YAE1: variants seen among roughly 807,000 people sequenced by gnomAD.
YAE1 encodes YAE1 maturation factor of ABCE1, also known as protein YAE1 homolog.
In YAE1, 22 loss-of-function variants were observed where a neutral mutation model predicts 23.0. The observed-to-expected ratio is 0.96, with a 90% CI of 0.68 to 1.37. The LOEUF (loss-of-function observed/expected upper bound fraction) is 1.37, where lower values mean the gene tolerates loss of function less well. Ranked by LOEUF, YAE1 falls within the 40% of genes most tolerant of loss-of-function variation. The pLI is 0.00. For missense variants in YAE1, 260 were observed against 262.1 expected (o/e 0.99, Z 0.06); for synonymous variants, 101 against 97.0 (o/e 1.04, Z -0.24).
chr7:39,611,340 T>G (rs1216372297), downstream of YAE1, among the ~76,000 whole-genome samples: 1 of 152,172 alleles, frequency 6.6e-6, no homozygotes, highest in Non-Finnish European at 1.5e-5. Flanking sequence ...CAAATGGAGT[T>G]GGTGCTTACC....
intron 2 of YAE1, among the ~76,000 whole-genome samples, chr7:39,593,865 A>C (rs947845840): frequency 6.6e-6 from 1 of 152,174 alleles, no homozygotes; most frequent in Non-Finnish European, 1.5e-5. Flanking sequence ...TAACTGCCTT[A>C]AAATCTTTGC....
At chr7:39,596,194 A>AT (rs58067712) in intron 2 of YAE1, among the ~76,000 whole-genome samples, 3,953 of 151,270 alleles carry the variant, frequency 0.026, 98 homozygotes, top group East Asian at 0.11. Context: ...TAAGTCACTT[A>AT]TTTTTTTTTC....
chr7:39,604,440 C>T (rs1207345289), intron 2 of YAE1, among the ~76,000 whole-genome samples: 3 of 152,146 alleles, frequency 2.0e-5, no homozygotes, highest in South Asian at 2.1e-4. Flanking sequence ...GGGGATAAGT[C>T]GATACCTAAC....
intron 2 of YAE1, among the ~76,000 whole-genome samples, chr7:39,598,659 C>T (rs1364979214): frequency 6.6e-6 from 1 of 151,508 alleles, no homozygotes; most frequent in African/African-American, 2.4e-5. Context: ...TGCCTGTAGT[C>T]CCAGCTACTT....
exon 3 of YAE1, chr7:39,609,933 G>A: frequency 6.6e-7 from 1 of 1,524,786 alleles, no homozygotes; most frequent in Admixed American, 2.1e-5. Context: ...TTCCAACTCC[G>A]AAACACATTT....
At chr7:39,598,613 C>T (rs938863325) in intron 2 of YAE1, among the ~76,000 whole-genome samples, 1 of 151,544 alleles carries the variant, frequency 6.6e-6, no homozygotes, top group Non-Finnish European at 1.5e-5. Context: ...TCTATCTCTA[C>T]CAAAAATACA....
At chr7:39,574,665 G>A (rs1455674398), downstream of YAE1, among the ~76,000 whole-genome samples, 2 of 151,176 alleles carry the variant, frequency 1.3e-5, no homozygotes, top group South Asian at 2.1e-4. Context: ...CCTAGGAAGC[G>A]GAGGTTGCAG....
intron 2 of YAE1, among the ~76,000 whole-genome samples, chr7:39,580,579 A>C (rs1488590548): frequency 1.3e-5 from 2 of 152,100 alleles, no homozygotes; most frequent in Admixed American, 6.6e-5. Context: ...GAAGCTGTTG[A>C]GTTAGTTCAA....
intron 2 of YAE1, among the ~76,000 whole-genome samples, chr7:39,592,414 T>C (rs993181542): frequency 2.0e-5 from 3 of 152,184 alleles, no homozygotes; most frequent in African/African-American, 4.8e-5. Context: ...TTGCTATATG[T>C]AAAATGTGAG....
chr7:39,609,816 C>G (rs934000110), exon 3 of YAE1: 2 of 1,531,392 alleles, frequency 1.3e-6, no homozygotes, highest in Admixed American at 2.0e-5. Flanking sequence ...CTTCCCCGCC[C>G]GGCTCCGGGC....
intron 2 of YAE1, among the ~76,000 whole-genome samples, chr7:39,587,508 G>A (rs1790837460): frequency 6.6e-6 from 1 of 152,074 alleles, no homozygotes; most frequent in Non-Finnish European, 1.5e-5. Context: ...AATTTTCCAG[G>A]GGTATGACTA....
At chr7:39,611,254 C>T (rs1339995445), downstream of YAE1, among the ~76,000 whole-genome samples, 1 of 152,106 alleles carries the variant, frequency 6.6e-6, no homozygotes, top group East Asian at 1.9e-4. Flanking sequence ...TTAGAACAAA[C>T]TGGAGACTGG....
At chr7:39,602,826 G>A (rs1324598942) in intron 2 of YAE1, among the ~76,000 whole-genome samples, 2 of 151,912 alleles carry the variant, frequency 1.3e-5, no homozygotes, top group Non-Finnish European at 2.9e-5. Flanking sequence ...TCAGTTCACC[G>A]CAGCCTCTGC....
intron 2 of YAE1, among the ~76,000 whole-genome samples, chr7:39,589,890 T>C (rs1790877209): frequency 6.6e-6 from 1 of 152,160 alleles, no homozygotes; most frequent in African/African-American, 2.4e-5. Context: ...AGACAGATGA[T>C]AAGGTCACAC....
chr7:39,576,049 T>A (rs1257595348), downstream of YAE1, among the ~76,000 whole-genome samples: 1 of 152,218 alleles, frequency 6.6e-6, no homozygotes, highest in Non-Finnish European at 1.5e-5. Flanking sequence ...GACCTCTTTG[T>A]TTTTATATTC....
chr7:39,599,357 G>T (rs1791021518), intron 2 of YAE1, among the ~76,000 whole-genome samples: 1 of 150,560 alleles, frequency 6.6e-6, no homozygotes, highest in African/African-American at 2.5e-5. Context: ...ATGTTGAAGT[G>T]TTTTTTTGTT....
intron 1 of YAE1, 77 bp from the exon 2 acceptor site, chr7:39,570,429 T>C (rs1318626078): frequency 6.5e-7 from 1 of 1,548,790 alleles, no homozygotes; most frequent in Non-Finnish European, 8.7e-7. Flanking sequence ...GCTTTCTAAA[T>C]TGGTTCTGTA....
At chr7:39,596,207 T>C (rs1402278668) in intron 2 of YAE1, among the ~76,000 whole-genome samples, 2 of 152,196 alleles carry the variant, frequency 1.3e-5, no homozygotes, top group African/African-American at 4.8e-5. Context: ...TTTTTTTCTT[T>C]TTTTGGAGGC....
downstream of YAE1, among the ~76,000 whole-genome samples, chr7:39,577,387 C>T (rs1472398602): frequency 6.6e-6 from 1 of 152,214 alleles, no homozygotes; most frequent in African/African-American, 2.4e-5. Context: ...GTGGGAGCCC[C>T]TCTCTGGGCT....
Sources: gnomAD v4.1 joint callset for allele counts (sites outside exome capture counted in the v4.1 genomes callset) on GRCh38, gnomAD v4.1.1 for gene constraint, MANE v1.5 for transcripts, NCBI Gene and HGNC (gene_info 2026-07-23, HGNC 2026-07-21) for gene names.